Variants in FGF14 observed in about 807,000 individuals in gnomAD.
The protein encoded by FGF14 is fibroblast growth factor 14, also known as fibroblast growth factor homologous factor 4.
In FGF14, 5 loss-of-function variants were observed where a neutral mutation model predicts 25.5. The ratio of observed to expected loss-of-function variants is 0.20; its 90% CI spans 0.10 to 0.41. The LOEUF is 0.41. FGF14 is among the 10% of genes least tolerant of loss of function. The pLI is 1.00. For missense variants in FGF14, 222 were observed against 320.1 expected (o/e 0.69, Z 2.34); for synonymous variants, 138 against 118.3 (o/e 1.17, Z -1.08).
At chr13:102,192,514 T>G (rs949095772) in intron 1 of FGF14, among the ~76,000 whole-genome samples, 2 of 152,128 alleles carry the variant, frequency 1.3e-5, no homozygotes, top group Admixed American at 6.5e-5. Context: ...TCTGGTTCCT[T>G]TATGCTTAAC....
intron 3 of FGF14, among the ~76,000 whole-genome samples, chr13:101,776,937 G>A (rs1044522629): frequency 6.6e-5 from 10 of 152,146 alleles, no homozygotes; most frequent in African/African-American, 2.4e-4. Flanking sequence ...AAAGGGCAAG[G>A]GTTGTCTCTC....
At chr13:102,083,388 T>C (rs1221810804) in intron 1 of FGF14, among the ~76,000 whole-genome samples, 1 of 152,168 alleles carries the variant, frequency 6.6e-6, no homozygotes, top group Non-Finnish European at 1.5e-5. Flanking sequence ...TGGGGAATTA[T>C]GTCTTACAAA....
At chr13:102,062,731 G>T (rs974128354) in intron 1 of FGF14, among the ~76,000 whole-genome samples, 6 of 152,104 alleles carry the variant, frequency 3.9e-5, no homozygotes, top group Non-Finnish European at 7.4e-5. Flanking sequence ...TACACAATCT[G>T]TTCCATAGCC....
chr13:102,142,286 G>A (rs2046674291), intron 1 of FGF14, among the ~76,000 whole-genome samples: 1 of 151,990 alleles, frequency 6.6e-6, no homozygotes, highest in Non-Finnish European at 1.5e-5. Context: ...CTTAACAAAT[G>A]TAGCACTGTG....
rs35520744 is a variant in FGF14, at chr13:102,140,043, ACCC to A, written c.208+261425_208+261427del. Among the ~76,000 whole-genome samples the A allele has an allele frequency of 6.1e-5, 5 of 82,492 alleles. No individual in the cohort carries two copies. The East Asian group carries it at 1.8e-3, about 30-fold the overall frequency. The allele number at this position is 82,492 out of a possible 152,430, so 54.1% of individuals were successfully genotyped here. A position where few individuals can be genotyped will look rare whatever the true frequency, so the allele number is the denominator to read the frequency against. ...GCAGCTTTAGGTCAAACTCTTCAAG[ACCC>A]CCCCCCCCCCTTACAGCAGTAAGTC... On this transcript the variant is annotated intron_variant, in intron 1 of 4. Transcript: ENST00000376131.
At chr13:101,999,334 G>A (rs894909520) in intron 1 of FGF14, among the ~76,000 whole-genome samples, 2 of 152,184 alleles carry the variant, frequency 1.3e-5, no homozygotes, top group Non-Finnish European at 2.9e-5. Flanking sequence ...CTGGGTTAAA[G>A]ACCAGAGGGC....
intron 1 of FGF14, among the ~76,000 whole-genome samples, chr13:102,122,309 G>T (rs961676475): frequency 6.6e-6 from 1 of 152,094 alleles, no homozygotes; most frequent in Non-Finnish European, 1.5e-5. Context: ...TTATCCAAAG[G>T]CTCGTCAAAC....
rs1331458075 is a variant in FGF14 at position 102,400,747 on chromosome 13, C to G, written c.208+724G>C. Reference sequence around the variant, plus strand: ...CCCCACCCCTGGCCCTGTGGGACCCCGACGCAGGGCTTTGACACCGCTTTC... The same window carrying G: ...CCCCACCCCTGGCCCTGTGGGACCCGGACGCAGGGCTTTGACACCGCTTTC... On this transcript the variant is annotated intron_variant, in intron 1 of 4. Coordinates refer to the FGF14 transcript ENST00000376131. The surrounding 1 kb of genome is among the most constrained non-coding windows in gnomAD (Gnocchi z 4.3). Among the ~76,000 whole-genome samples, 2 of 152,294 alleles carry G rather than the reference C, an allele frequency of 1.3e-5. No homozygotes were observed. The highest frequency in any genetic ancestry group is 2.9e-5 in the Non-Finnish European group (2 of 68,022).
At chr13:101,828,407 C>T (rs932781958) in intron 3 of FGF14, among the ~76,000 whole-genome samples, 1 of 151,742 alleles carries the variant, frequency 6.6e-6, no homozygotes, top group Admixed American at 6.6e-5. Context: ...TTTCTATGAC[C>T]AAATGATAAT....
intron 3 of FGF14, among the ~76,000 whole-genome samples, chr13:101,819,140 T>G (rs1042711156): frequency 1.3e-5 from 2 of 152,114 alleles, no homozygotes; most frequent in Non-Finnish European, 2.9e-5. Context: ...AAATTTACAG[T>G]AGAGTAAACT....
chr13:102,068,422 T>C (rs1595164290), intron 1 of FGF14, among the ~76,000 whole-genome samples: 1 of 152,292 alleles, frequency 6.6e-6, no homozygotes, highest in Admixed American at 6.5e-5. Context: ...AGCCCCTTTC[T>C]GGGCTGGCCA....
rs868376953 is a variant in FGF14, at chr13:101,797,739, G to A, written c.409-70929C>T. On this transcript the variant is annotated intron_variant, in intron 3 of 4. Coordinates refer to ENST00000376143, the MANE Select transcript of FGF14 (RefSeq NM_004115.4). Reference sequence around the variant, plus strand: ...TAAAGAGAATGTCATGAATTGATGTGTGTGTGTGTGTGTGTGTGTGTGTGT... The same window carrying A: ...TAAAGAGAATGTCATGAATTGATGTATGTGTGTGTGTGTGTGTGTGTGTGT... 8.9e-4 allele frequency among the ~76,000 whole-genome samples: 125 copies of A among 141,076 alleles called. 1 individual carries two copies. Among genetic ancestry groups the A allele is most frequent in the Middle Eastern group, 7.2e-3 (2 of 276 alleles). The allele number at this position is 141,076 out of a possible 152,430, so 92.6% of individuals were successfully genotyped here.
At chr13:102,191,342 CA>C (rs1480660542) in intron 1 of FGF14, among the ~76,000 whole-genome samples, 2 of 152,178 alleles carry the variant, frequency 1.3e-5, no homozygotes, top group Admixed American at 1.3e-4. Flanking sequence ...ATCATTTGAA[CA>C]ACATAAATTT....
At position 102,319,188 on chromosome 13, in the gene FGF14, A is replaced by G. The variant is rs2056149362; in HGVS notation, c.208+82283T>C. Among the ~76,000 whole-genome samples, 5 of 152,338 alleles carry G rather than the reference A, an allele frequency of 3.3e-5. 1 individual carries two copies. The South Asian group carries it at 1.0e-3, about 32-fold the overall frequency. ...TTTAAAAAGATTTTAGTGTCATATGAGAGTCCCTGAGTAATTCAATTTATA... is the reference window on the plus strand; with the variant it reads ...TTTAAAAAGATTTTAGTGTCATATGGGAGTCCCTGAGTAATTCAATTTATA... On this transcript the variant is annotated intron_variant, in intron 1 of 4. Coordinates refer to the FGF14 transcript ENST00000376131.
At position 101,720,746 on chromosome 13, in the gene FGF14, A is replaced by C. The variant is rs1284828923; in HGVS notation, c.*2085T>G. The C allele has an allele frequency of 7.6e-6, 1 of 132,356 alleles. No individual in the cohort carries two copies. Among genetic ancestry groups the C allele is most frequent in the Non-Finnish European group, 1.5e-5 (1 of 67,874 alleles). The allele number at this position is 132,356 out of a possible 1,614,324, so 8.2% of individuals were successfully genotyped here. A position where few individuals can be genotyped will look rare whatever the true frequency, so the allele number is the denominator to read the frequency against. On this transcript the variant is annotated 3_prime_UTR_variant, in exon 5 of 5. Transcript: ENST00000376143. The stretch of plus-strand genomic sequence containing the variant: ...AATATATTTTAACTGTTCCTGTTAA[A>C]AACAATAGGCTTCAAGATGACATAA...
intron 1 of FGF14, among the ~76,000 whole-genome samples, chr13:101,887,210 CTG>C (rs1216437632): frequency 6.6e-6 from 1 of 151,860 alleles, no homozygotes; most frequent in Non-Finnish European, 1.5e-5. Flanking sequence ...AAAAAAAAGT[CTG>C]TGCTCTCATG....
At chr13:102,215,113 T>G (rs753554094) in intron 1 of FGF14, among the ~76,000 whole-genome samples, 3 of 152,192 alleles carry the variant, frequency 2.0e-5, no homozygotes, top group Non-Finnish European at 4.4e-5. Context: ...ATTTCACAAT[T>G]TACCTCTTCT....
chr13:101,884,328 T>A (rs537337639), intron 1 of FGF14, among the ~76,000 whole-genome samples: 8 of 152,104 alleles, frequency 5.3e-5, no homozygotes, highest in African/African-American at 1.9e-4. Flanking sequence ...GGGAAAACCG[T>A]GTAAGAAAAT....
chr13:102,045,616 A>G (rs1376496837), intron 1 of FGF14, among the ~76,000 whole-genome samples: 1 of 152,214 alleles, frequency 6.6e-6, no homozygotes, highest in African/African-American at 2.4e-5. Context: ...TACATTGTAC[A>G]TAGGGATCTT....
Sources: allele counts gnomAD v4.1 joint callset (sites outside exome capture counted in the v4.1 genomes callset), GRCh38; gene constraint gnomAD v4.1.1; non-coding constraint Gnocchi (gnomAD v3.1); transcripts MANE v1.5; gene names NCBI Gene and HGNC (gene_info 2026-07-23, HGNC 2026-07-21).